The following BBS9 variants were observed in gnomAD, a reference collection of about 807,000 sequenced individuals.
BBS9 encodes the protein protein PTHB1.
A neutral mutation model predicts 117.7 loss-of-function variants in BBS9; 89 were observed. That is an observed-to-expected ratio of 0.76 (90% confidence interval 0.64 to 0.90). The LOEUF (loss-of-function observed/expected upper bound fraction) is 0.90, where lower values mean the gene tolerates loss of function less well. Ranked by LOEUF, BBS9 falls within the 40% of genes least tolerant of loss-of-function variation. The pLI is 0.00. For synonymous variants in BBS9, 379 were observed against 370.9 expected, an observed-to-expected ratio of 1.02 and a Z score of -0.25; for missense variants, 982 against 1,042.2, an observed-to-expected ratio of 0.94 and a Z score of 0.80.
chr7:33,355,408 G>C (rs1348333354), intron 15 of BBS9, among the ~76,000 whole-genome samples: 1 of 151,814 alleles, frequency 6.6e-6, no homozygotes, highest in African/African-American at 2.4e-5. Flanking sequence ...ATAAAATAGT[G>C]ACATTCTAAT....
intron 20 of BBS9, among the ~76,000 whole-genome samples, chr7:33,514,592 A>C (rs1228796139): frequency 2.6e-5 from 4 of 152,198 alleles, no homozygotes; most frequent in Non-Finnish European, 5.9e-5. Flanking sequence ...TGGGTACTGT[A>C]AATGATTTAC....
intron 21 of BBS9, among the ~76,000 whole-genome samples, chr7:33,625,664 G>A (rs2129225647): frequency 6.6e-6 from 1 of 152,270 alleles, no homozygotes; most frequent in Admixed American, 6.5e-5. Flanking sequence ...ATTTCAGGAA[G>A]CACCTTACCA....
At chr7:33,196,299 T>C (rs544169523) in intron 5 of BBS9, among the ~76,000 whole-genome samples, 34 of 152,268 alleles carry the variant, frequency 2.2e-4, no homozygotes, top group African/African-American at 7.2e-4. Flanking sequence ...CTTCTAATTG[T>C]CTGAACTGGA....
intron 15 of BBS9, 123 bp downstream of exon 15, chr7:33,352,996 TAGGATGATAC>T: frequency 9.9e-7 from 1 of 1,009,708 alleles, no homozygotes; most frequent in Non-Finnish European, 1.5e-6. Context: ...AGAAGTTCTT[TAGGATGATAC>T]AGTGCCTTGA....
intron 19 of BBS9, among the ~76,000 whole-genome samples, chr7:33,432,017 T>G (rs1174545131): frequency 2.0e-5 from 3 of 152,180 alleles, no homozygotes; most frequent in Non-Finnish European, 4.4e-5. Context: ...AAAGAGTATT[T>G]TATAATATCC....
chr7:33,527,330 G>T (rs1849727653), intron 20 of BBS9, among the ~76,000 whole-genome samples: 1 of 152,142 alleles, frequency 6.6e-6, no homozygotes, highest in South Asian at 2.1e-4. Context: ...GGCAATGGTG[G>T]GCGCCCCTCC....
At chr7:33,314,408 C>T in intron 9 of BBS9, 1 of 288,232 alleles carries the variant, frequency 3.5e-6, no homozygotes, top group Non-Finnish European at 6.9e-6. Flanking sequence ...CTATTATTTG[C>T]ATAGTCTTTT....
At chr7:33,538,773 TA>T (rs56727625) in intron 21 of BBS9, among the ~76,000 whole-genome samples, 335 of 144,482 alleles carry the variant, frequency 2.3e-3, no homozygotes, top group African/African-American at 3.8e-3. Context: ...ATCTTGACAT[TA>T]AAAAAAAAAA....
rs148585162 is a variant in BBS9 at position 33,472,517 on chromosome 7, G to C, written c.2116-32946G>C. 1.1e-3 allele frequency among the ~76,000 whole-genome samples: 171 copies of C among 152,286 alleles called. 2 individuals are homozygous for C. Among genetic ancestry groups the C allele is most frequent in the African/African-American group, 3.8e-3 (158 of 41,554 alleles). On this transcript the variant is annotated intron_variant, in intron 19 of 22. Transcript: ENST00000242067. ...AAGCTTGAAGCCGGGTGACTGCTCA[G>C]ATCTAATTAGATGAGGGCATGATGG...
intron 19 of BBS9, among the ~76,000 whole-genome samples, chr7:33,485,821 C>A (rs1222281892): frequency 6.6e-6 from 1 of 152,134 alleles, no homozygotes; most frequent in Non-Finnish European, 1.5e-5. Context: ...GCTATTGGAT[C>A]ACTTTAACCA....
At chr7:33,407,226 T>C (rs912624180) in intron 19 of BBS9, among the ~76,000 whole-genome samples, 5 of 152,246 alleles carry the variant, frequency 3.3e-5, no homozygotes, top group African/African-American at 7.2e-5. Flanking sequence ...TTGATTGCAT[T>C]GGCTCCTGAG....
intron 5 of BBS9, among the ~76,000 whole-genome samples, chr7:33,181,132 T>C (rs186305848): frequency 2.0e-5 from 3 of 152,196 alleles, no homozygotes; most frequent in East Asian, 1.9e-4. Context: ...GATCCTGTCA[T>C]AGGATTTGTA....
chr7:33,568,895 G>A (rs1426511976), intron 21 of BBS9, among the ~76,000 whole-genome samples: 1 of 152,154 alleles, frequency 6.6e-6, no homozygotes, highest in East Asian at 1.9e-4. Context: ...GAAGTGAATG[G>A]CAAAGGGGTA....
intron 9 of BBS9, among the ~76,000 whole-genome samples, chr7:33,279,802 A>G (rs1801473036): frequency 6.6e-6 from 1 of 152,218 alleles, no homozygotes; most frequent in African/African-American, 2.4e-5. Flanking sequence ...AATGAAATCA[A>G]TACACAGGTT....
chr7:33,225,155 A>G (rs1298240701), intron 5 of BBS9, among the ~76,000 whole-genome samples: 1 of 152,122 alleles, frequency 6.6e-6, no homozygotes, highest in Admixed American at 6.5e-5. Context: ...AATGGATTTA[A>G]ATATGTGATG....
Position 33,534,025 on chromosome 7 carries a change from G to A in BBS9, c.2370G>A (p.Glu790=). The A allele has an allele frequency of 6.2e-7, 1 of 1,614,218 alleles. No individual in the cohort carries two copies. The highest frequency in any genetic ancestry group is 1.1e-5 in the South Asian group (1 of 91,084). The change falls in exon 21 of 23, where the codon GAG becomes GAA. Residue 790 remains glutamate (E), a synonymous_variant. Coordinates refer to ENST00000242067, the MANE Select transcript of BBS9 (RefSeq NM_198428.3). The stretch of plus-strand genomic sequence containing the variant: ...CTTGCCTGTCGAAGAGTTCTAAGGA[G>A]CAGGCTTTGAACCTCAACAGCCAGC... ...LKTCLSKSSK[E]QALNLNSQLN...
At chr7:33,305,648 G>A (rs528285670) in intron 9 of BBS9, among the ~76,000 whole-genome samples, 71 of 152,198 alleles carry the variant, frequency 4.7e-4, no homozygotes, top group Admixed American at 1.8e-3. Context: ...GGTTGTATGC[G>A]TCTAGGAATT....
At chr7:33,428,049 T>A (rs1170200694) in intron 19 of BBS9, among the ~76,000 whole-genome samples, 1 of 152,220 alleles carries the variant, frequency 6.6e-6, no homozygotes, top group Admixed American at 6.5e-5. Context: ...ATTAAAGTTT[T>A]ATGGCATTAT....
chr7:33,362,910 T>G (rs1478470031), intron 16 of BBS9, among the ~76,000 whole-genome samples: 4 of 144,154 alleles, frequency 2.8e-5, no homozygotes, highest in Non-Finnish European at 5.9e-5. Context: ...GTATTCTAGT[T>G]TTTTTAAGAT....
Sources: allele counts gnomAD v4.1 joint callset (sites outside exome capture counted in the v4.1 genomes callset), GRCh38; gene constraint gnomAD v4.1.1; transcripts MANE v1.5; gene names NCBI Gene and HGNC (gene_info 2026-07-23, HGNC 2026-07-21).